RCHY1: variants seen among roughly 807,000 people sequenced by gnomAD.
The protein encoded by RCHY1 is ring finger and CHY zinc finger domain containing 1, also known as RING finger and CHY zinc finger domain-containing protein 1.
Under a neutral mutation model 41.6 loss-of-function variants are expected in RCHY1, and 21 were observed. That is an observed-to-expected ratio of 0.51 (90% CI 0.36 to 0.73). RCHY1 has a LOEUF of 0.73. Among genes scored for constraint, RCHY1 ranks in the 30% least tolerant of loss-of-function variants. The pLI, the probability that RCHY1 is intolerant of heterozygous loss-of-function variation, is 0.00. For synonymous variants in RCHY1, 79 were observed against 102.9 expected, an observed-to-expected ratio of 0.77 and a Z score of 1.41; for missense variants, 265 against 325.3, an observed-to-expected ratio of 0.81 and a Z score of 1.43.
chr4:75,495,642 C>CA (rs1723129890), intron 3 of RCHY1, among the ~76,000 whole-genome samples: 1 of 151,838 alleles, frequency 6.6e-6, no homozygotes, highest in Admixed American at 6.6e-5. Flanking sequence ...GGTGACAAGG[C>CA]AAAAAACAAG....
intron 1 of RCHY1, among the ~76,000 whole-genome samples, chr4:75,512,445 C>T (rs529199637): frequency 4.6e-5 from 7 of 152,200 alleles, no homozygotes; most frequent in Non-Finnish European, 8.8e-5. Context: ...GTCTATGTTT[C>T]TAAGGCCAAC....
At chr4:75,499,681 T>C (rs1370383758) in intron 3 of RCHY1, among the ~76,000 whole-genome samples, 3 of 152,084 alleles carry the variant, frequency 2.0e-5, no homozygotes, top group Non-Finnish European at 4.4e-5. Context: ...GAAAGACAAA[T>C]ATCACATGTT....
intron 1 of RCHY1, among the ~76,000 whole-genome samples, chr4:75,511,795 C>T (rs151044940): frequency 7.7e-4 from 116 of 149,824 alleles, no homozygotes; most frequent in African/African-American, 2.7e-3. Flanking sequence ...ACCATCAATG[C>T]GTGTGTCAAC....
chr4:75,497,414 A>G (rs1328859052), intron 3 of RCHY1, among the ~76,000 whole-genome samples: 1 of 152,156 alleles, frequency 6.6e-6, no homozygotes, highest in Non-Finnish European at 1.5e-5. Context: ...TAAATAAGGC[A>G]AATGCTGAGC....
intron 8 of RCHY1, among the ~76,000 whole-genome samples, chr4:75,489,308 G>A (rs1428895756): frequency 2.6e-5 from 4 of 152,102 alleles, no homozygotes; most frequent in African/African-American, 7.2e-5. Context: ...ACATTCAATT[G>A]TCATTTTGAA....
At chr4:75,494,061 A>T in intron 4 of RCHY1, 40 bp downstream of exon 4, 1 of 1,159,258 alleles carries the variant, frequency 8.6e-7, no homozygotes, top group Non-Finnish European at 1.2e-6. Context: ...TTGCAAAAAC[A>T]CTGTAATATT....
chr4:75,494,490 A>C (rs1723010098), intron 3 of RCHY1: 1 of 257,354 alleles, frequency 3.9e-6, no homozygotes, highest in African/African-American at 2.3e-5. Flanking sequence ...CCATTCTGCA[A>C]CTTTTTTTCA....
At chr4:75,490,783 GC>G in intron 7 of RCHY1, 82 bp from the exon 8 acceptor site, 1 of 1,036,376 alleles carries the variant, frequency 9.6e-7, no homozygotes, top group Non-Finnish European at 1.4e-6. Flanking sequence ...CAGGCTAACT[GC>G]CACATGAACC....
In RCHY1 at chr4:75,479,739, A is replaced by T. The variant is rs1485286603; in HGVS notation, c.*2799T>A. The T allele has an allele frequency of 6.6e-6, 1 of 152,164 alleles. No homozygotes were observed. The highest frequency in any genetic ancestry group is 1.5e-5 in the Non-Finnish European group (1 of 67,986). The allele number at this position is 152,164 out of a possible 1,614,324, so 9.4% of individuals were successfully genotyped here. ...TGTTATTTTACTTTTTTCAAAAATAATCCAAATAAACTATAGATACAAATT... is the reference window on the plus strand; with the variant it reads ...TGTTATTTTACTTTTTTCAAAAATATTCCAAATAAACTATAGATACAAATT... On this transcript the variant is annotated 3_prime_UTR_variant, in exon 9 of 9. Transcript: ENST00000324439.
intron 3 of RCHY1, among the ~76,000 whole-genome samples, chr4:75,496,466 C>A (rs904266910): frequency 3.9e-5 from 6 of 152,000 alleles, no homozygotes; most frequent in Non-Finnish European, 8.8e-5. Context: ...TAGTAGGATA[C>A]CCATCAGCAC....
At chr4:75,509,335 A>G (rs1310682113) in intron 1 of RCHY1, 39 bp from the exon 2 acceptor site, 1 of 1,593,936 alleles carries the variant, frequency 6.3e-7, no homozygotes, top group Admixed American at 1.8e-5. Flanking sequence ...AGTAAGAAGC[A>G]AAAGAAACTA....
In RCHY1 at chr4:75,509,299, A is replaced by G. The variant is rs746384156; in HGVS notation, c.91-3T>C. The G allele has an allele frequency of 6.2e-7, 1 of 1,610,396 alleles. No homozygotes were observed. The highest frequency in any genetic ancestry group is 1.7e-5 in the Admixed American group (1 of 58,828). On this transcript the variant is annotated splice_polypyrimidine_tract_variant and splice_region_variant and intron_variant, in intron 1 of 8. Coordinates refer to ENST00000324439, the MANE Select transcript of RCHY1 (RefSeq NM_015436.4). ...TAAAGCTTGTCACAGCAAGGTGCCT[A>G]ACACCCACGGAGAAAAAAGAGATAT...
chr4:75,490,521 G>A (rs1722652256), intron 8 of RCHY1, 60 bp downstream of exon 8: 1 of 1,443,218 alleles, frequency 6.9e-7, no homozygotes, highest in Non-Finnish European at 9.4e-7. Flanking sequence ...TCAAGCAGGA[G>A]GGCAAAAATA....
rs1578199161 is a variant in RCHY1, at chr4:75,482,226, C to T, written c.*312G>A. ...ACTGCACGCGTAGTGTCACTTAAAGCAAAGCTTCATGAAAATATAATACAC... is the reference window on the plus strand; with the variant it reads ...ACTGCACGCGTAGTGTCACTTAAAGTAAAGCTTCATGAAAATATAATACAC... On this transcript the variant is annotated 3_prime_UTR_variant, in exon 9 of 9. Transcript: ENST00000324439. The T allele has an allele frequency of 5.7e-6, 1 of 174,304 alleles. No homozygotes were observed. The highest frequency in any genetic ancestry group is 2.0e-4 in the South Asian group (1 of 5,096). 10.8% of individuals were successfully genotyped at this position (174,304 alleles called of 1,614,324 possible). A position where few individuals can be genotyped will look rare whatever the true frequency, so the allele number is the denominator to read the frequency against.
intron 3 of RCHY1, among the ~76,000 whole-genome samples, chr4:75,497,613 A>C (rs1723336286): frequency 6.6e-6 from 1 of 152,164 alleles, no homozygotes; most frequent in Non-Finnish European, 1.5e-5. Context: ...AACTCTGTTA[A>C]GTTTAATTTA....
chr4:75,509,849 C>A (rs926159609), intron 1 of RCHY1: 10 of 161,468 alleles, frequency 6.2e-5, no homozygotes, highest in African/African-American at 2.2e-4. Context: ...GCCTCCCTAG[C>A]CATGTGGAAC....
In RCHY1 at chr4:75,508,929, G is replaced by T. The variant is rs1255671777; in HGVS notation, c.217C>A (p.Gln73Lys). 3 of 1,587,224 alleles carry T rather than the reference G, an allele frequency of 1.9e-6. No individual in the cohort carries two copies. The highest frequency in any genetic ancestry group is 2.6e-6 in the Non-Finnish European group (3 of 1,169,158). Reference sequence around the variant, plus strand: ...AATGTGCTACATTCTTCACAAGTCTGTTGGGCCTAAAAAAGAAACATAATT... The same window carrying T: ...AATGTGCTACATTCTTCACAAGTCTTTTGGGCCTAAAAAAGAAACATAATT... ...INCEKIQHAQ[Q>K]TCEECSTLFG... Residue 73 changes from glutamine (Q) to lysine (K), a missense_variant, in exon 3 of 9, where the codon CAG becomes AAG. By Grantham distance (53) the Gln-to-Lys change is moderately conservative. Transcript: ENST00000324439.
At chr4:75,488,277 TTAAC>T (rs1346871958) in intron 8 of RCHY1, among the ~76,000 whole-genome samples, 1 of 129,328 alleles carries the variant, frequency 7.7e-6, no homozygotes, top group Non-Finnish European at 1.8e-5. Context: ...AATCATGTCT[TTAAC>T]TATAACCATT....
At position 75,493,993 on chromosome 4, in the gene RCHY1, G is replaced by A; in HGVS notation, c.405+108C>T. 4.6e-6 allele frequency: 3 copies of A among 651,590 alleles called. No homozygotes were observed. In the South Asian group the frequency reaches 6.0e-5, roughly 13 times the overall value. 40.4% of individuals were successfully genotyped at this position (651,590 alleles called of 1,614,324 possible). On this transcript the variant is annotated intron_variant, in intron 4 of 8. Transcript: ENST00000324439. Reference sequence around the variant, plus strand: ...TGCTTTTCAAAAAAGCAATATAGTTGCACTTGGAAATACATGAAAATTAGC... The same window carrying A: ...TGCTTTTCAAAAAAGCAATATAGTTACACTTGGAAATACATGAAAATTAGC...
Sources: allele counts gnomAD v4.1 joint callset (sites outside exome capture counted in the v4.1 genomes callset), GRCh38; gene constraint gnomAD v4.1.1; transcripts MANE v1.5; gene names NCBI Gene and HGNC (gene_info 2026-07-23, HGNC 2026-07-21).